Variants in USH2A observed in about 807,000 individuals in gnomAD.
USH2A encodes usherin.
Under a neutral mutation model 538.9 loss-of-function variants are expected in USH2A, and 443 were observed. The observed-to-expected ratio is 0.82, with a 90% CI of 0.76 to 0.89. The LOEUF (loss-of-function observed/expected upper bound fraction) is 0.89. Among genes scored for constraint, USH2A ranks in the 40% least tolerant of loss-of-function variants. The pLI is 0.00. For missense variants in USH2A, 6,633 were observed against 6,324.8 expected, an observed-to-expected ratio of 1.05 and a Z score of -1.65; for synonymous variants, 2,413 against 2,273.5, an observed-to-expected ratio of 1.06 and a Z score of -1.75.
chr1:215,712,846 A>G (rs7548702), intron 61 of USH2A, among the ~76,000 whole-genome samples: 24,827 of 151,120 alleles, frequency 0.16, 2,235 homozygotes, highest in East Asian at 0.31. Flanking sequence ...TTGCTCTGTC[A>G]CCCAGGCTGG....
intron 58 of USH2A, among the ~76,000 whole-genome samples, chr1:215,749,803 C>T (rs1333203856): frequency 6.6e-6 from 1 of 152,072 alleles, no homozygotes; most frequent in Non-Finnish European, 1.5e-5. Context: ...TGACAAGCTG[C>T]CATAACACAT....
intron 21 of USH2A, among the ~76,000 whole-genome samples, chr1:216,119,069 A>G (rs921720610): frequency 3.9e-5 from 6 of 152,362 alleles, no homozygotes; most frequent in African/African-American, 1.4e-4. Context: ...ATTAAAAATC[A>G]CTAAGCTATT....
rs202213358 is a variant in USH2A at position 215,994,946 on chromosome 1, G to GA, written c.6658-1780dup. On this transcript the variant is annotated intron_variant, in intron 34 of 71. Transcript: ENST00000307340. ...ACAAATTTTTCCCACTTCTCAGGGA[G>GA]AAAAAAAATCCATCCATTTGCATTT... 5.1e-4 allele frequency among the ~76,000 whole-genome samples: 78 copies of GA among 151,884 alleles called. No homozygotes were observed. In the Middle Eastern group the frequency reaches 0.01, roughly 20 times the overall value.
chr1:215,992,092 G>A (rs1668015799), intron 35 of USH2A, among the ~76,000 whole-genome samples: 1 of 152,016 alleles, frequency 6.6e-6, no homozygotes, highest in African/African-American at 2.4e-5. Flanking sequence ...TGAGATGGCT[G>A]GAATAATTAA....
At chr1:216,322,878 TAGAC>T (rs1304829219) in intron 8 of USH2A, among the ~76,000 whole-genome samples, 1 of 152,098 alleles carries the variant, frequency 6.6e-6, no homozygotes, top group African/African-American at 2.4e-5. Flanking sequence ...ATTTCTATAT[TAGAC>T]AGTATGCTGC....
At chr1:216,096,892 G>T (rs112974789) in intron 22 of USH2A, among the ~76,000 whole-genome samples, 191 bp downstream of exon 22, 81 of 152,254 alleles carry the variant, frequency 5.3e-4, no homozygotes, top group Non-Finnish European at 1.3e-4. Context: ...AGTTAGCTCC[G>T]CTATTTTAGC....
intron 35 of USH2A, among the ~76,000 whole-genome samples, chr1:215,990,912 C>A (rs1667989595): frequency 6.6e-6 from 1 of 151,984 alleles, no homozygotes; most frequent in Middle Eastern, 3.4e-3. Context: ...CAGGCACCTG[C>A]CACTATGCCC....
chr1:216,219,061 T>A (rs2035402781), intron 14 of USH2A, among the ~76,000 whole-genome samples: 1 of 151,980 alleles, frequency 6.6e-6, no homozygotes, highest in Non-Finnish European at 1.5e-5. Context: ...CTCTTGAGTA[T>A]TTCAGTTTTT....
chr1:215,629,113 C>T, intron 70 of USH2A, 78 bp from the exon 71 acceptor site: 1 of 1,392,404 alleles, frequency 7.2e-7, no homozygotes, highest in East Asian at 2.3e-5. Context: ...GTGTCTCACA[C>T]ATTGTCAGTG....
chr1:216,230,760 T>C (rs2035660805), intron 14 of USH2A, among the ~76,000 whole-genome samples: 1 of 151,962 alleles, frequency 6.6e-6, no homozygotes, highest in Non-Finnish European at 1.5e-5. Context: ...GAGAGACAGA[T>C]TTGACTCATT....
chr1:215,998,638 A>G (rs1351401748), intron 34 of USH2A, among the ~76,000 whole-genome samples: 11 of 152,058 alleles, frequency 7.2e-5, no homozygotes, highest in East Asian at 1.9e-4. Context: ...GATAATCCCA[A>G]CTTTGACTTG....
intron 8 of USH2A, among the ~76,000 whole-genome samples, chr1:216,322,956 A>T (rs1317740667): frequency 6.6e-6 from 1 of 151,972 alleles, no homozygotes; most frequent in Non-Finnish European, 1.5e-5. Context: ...ATGATCAGAC[A>T]TTTATAAACT....
intron 23 of USH2A, 63 bp downstream of exon 23, chr1:216,088,950 C>A (rs1001595793): frequency 1.2e-6 from 2 of 1,602,282 alleles, no homozygotes; most frequent in South Asian, 1.1e-5. Context: ...ATATAAACAA[C>A]AGAAAAGTAT....
In USH2A at chr1:216,023,459, C is replaced by CAAAAAAAAAAAAAAAAAAAAAAAAAA; in HGVS notation, c.6326-22898_6326-22897insTTTTTTTTTTTTTTTTTTTTTTTTTT. Among the ~76,000 whole-genome samples the CAAAAAAAAAAAAAAAAAAAAAAAAAA allele has an allele frequency of 9.4e-4, 44 of 46,946 alleles. 1 individual carries two copies. The highest frequency in any genetic ancestry group is 1.4e-3 in the South Asian group (2 of 1,398). The allele number at this position is 46,946 out of a possible 152,430, so 30.8% of individuals were successfully genotyped here. A position where few individuals can be genotyped will look rare whatever the true frequency, so the allele number is the denominator to read the frequency against. On this transcript the variant is annotated intron_variant, in intron 32 of 71. Coordinates refer to ENST00000307340, the MANE Select transcript of USH2A (RefSeq NM_206933.4). ...CCTCTTAAAAACTGTTCAAAGCAGACAAAAAAAAAAAAAAAAAAAAAAATC... is the reference window on the plus strand; with the variant it reads ...CCTCTTAAAAACTGTTCAAAGCAGACAAAAAAAAAAAAAAAAAAAAAAAAAAAAAAAAAAAAAAAAAAAAAAAAATC...
At chr1:215,971,352 T>C (rs1477502036) in intron 35 of USH2A, among the ~76,000 whole-genome samples, 1 of 152,178 alleles carries the variant, frequency 6.6e-6, no homozygotes, top group Admixed American at 6.6e-5. Flanking sequence ...CATCTCTTTA[T>C]ATGACCAGGT....
chr1:216,187,739 T>C (rs890244970), intron 20 of USH2A, among the ~76,000 whole-genome samples: 1 of 151,938 alleles, frequency 6.6e-6, no homozygotes, highest in Non-Finnish European at 1.5e-5. Context: ...AAATTTTTAT[T>C]GAGAATGAAC....
In USH2A at chr1:216,217,406, A is replaced by G. The variant is rs781049260; in HGVS notation, c.3138T>C (p.Asn1046=). 1.2e-6 allele frequency: 2 copies of G among 1,613,090 alleles called. No individual in the cohort carries two copies. Among genetic ancestry groups the G allele is most frequent in the East Asian group, 4.5e-5 (2 of 44,738 alleles). ...VPSASHLDVN[N]LLGCSKTPFQ... is the part of the protein sequence containing the mutation. ...ACTTACTTTTGCTGCAACCCAATAGATTGTTGACATCCAAGTGGCTTGCAC... is the reference window on the plus strand; with the variant it reads ...ACTTACTTTTGCTGCAACCCAATAGGTTGTTGACATCCAAGTGGCTTGCAC... Residue 1046 remains asparagine (N), a synonymous_variant, in exon 15 of 72, where the codon AAT becomes AAC. Transcript: ENST00000307340.
chr1:216,351,307 C>T (rs894783326), intron 4 of USH2A, among the ~76,000 whole-genome samples: 9 of 151,964 alleles, frequency 5.9e-5, no homozygotes, highest in Non-Finnish European at 1.3e-4. Flanking sequence ...CAGATGTAAA[C>T]GGGGTGATAA....
chr1:215,761,382 T>C (rs1159180804), intron 56 of USH2A, among the ~76,000 whole-genome samples: 1 of 152,176 alleles, frequency 6.6e-6, no homozygotes, highest in East Asian at 1.9e-4. Context: ...TTCTATTTCC[T>C]TCTTAACACT....
Sources: allele counts gnomAD v4.1 joint callset (sites outside exome capture counted in the v4.1 genomes callset), GRCh38; gene constraint gnomAD v4.1.1; transcripts MANE v1.5; gene names NCBI Gene and HGNC (gene_info 2026-07-23, HGNC 2026-07-21).